Variants in ENTREP1 observed in about 807,000 individuals in gnomAD.
ENTREP1 encodes the protein Friedreich ataxia region gene X123.
the ENTREP1 span, among the ~76,000 whole-genome samples, chr9:69,330,866 T>A: frequency 6.6e-6 from 1 of 152,080 alleles, no homozygotes; most frequent in Non-Finnish European, 1.5e-5. Flanking sequence ...CATAGGAGAG[T>A]GCATCACTGC....
chr9:69,336,292 G>A, the ENTREP1 span: 4 of 1,497,128 alleles, frequency 2.7e-6, no homozygotes, highest in Admixed American at 3.5e-5. Flanking sequence ...CTTATAAATT[G>A]CTACCCTTTA....
chr9:69,367,770 TATATAAATATATATACACAC>T, the ENTREP1 span, among the ~76,000 whole-genome samples: 4 of 112,494 alleles, frequency 3.6e-5, no homozygotes, highest in Admixed American at 1.0e-4. Flanking sequence ...TATACACATA[TATATAAATATATATACACAC>T]ATATATATAA....
the ENTREP1 span, chr9:69,388,269 G>A: frequency 9.3e-6 from 15 of 1,613,982 alleles, no homozygotes; most frequent in East Asian, 4.5e-5. Context: ...TGCAGACCGC[G>A]GTCTTTGATA....
chr9:69,333,939 C>G, the ENTREP1 span, among the ~76,000 whole-genome samples: 2 of 152,144 alleles, frequency 1.3e-5, no homozygotes, highest in East Asian at 3.9e-4. Flanking sequence ...GTGCCTACAC[C>G]CTGAGTCACA....
At chr9:69,373,785 T>G in the ENTREP1 span, among the ~76,000 whole-genome samples, 3 of 152,194 alleles carry the variant, frequency 2.0e-5, no homozygotes, top group Non-Finnish European at 2.9e-5. Context: ...TTCAACCATT[T>G]TATTGTTCTA....
the ENTREP1 span, among the ~76,000 whole-genome samples, chr9:69,327,405 C>T: frequency 6.6e-6 from 1 of 152,122 alleles, no homozygotes; most frequent in African/African-American, 2.4e-5. Context: ...CTCTAAATAC[C>T]ACGGGCCAGT....
At chr9:69,376,897 G>A in the ENTREP1 span, among the ~76,000 whole-genome samples, 2 of 152,160 alleles carry the variant, frequency 1.3e-5, no homozygotes, top group Non-Finnish European at 2.9e-5. Flanking sequence ...TGTCCTCGTC[G>A]TGTGCATGGG....
At chr9:69,369,003 C>G in the ENTREP1 span, among the ~76,000 whole-genome samples, 1 of 152,080 alleles carries the variant, frequency 6.6e-6, no homozygotes, top group Non-Finnish European at 1.5e-5. Context: ...TCGGCAGGCC[C>G]TGGTGTGTGA....
chr9:69,344,057 CTAAAGGAAGCCCTCTG>C, the ENTREP1 span, among the ~76,000 whole-genome samples: 1 of 152,174 alleles, frequency 6.6e-6, no homozygotes, highest in Non-Finnish European at 1.5e-5. Flanking sequence ...ATTTGGGTTG[CTAAAGGAAGCCCTCTG>C]ACCAGTCCTG....
chr9:69,385,604 G>A, the ENTREP1 span, among the ~76,000 whole-genome samples: 77 of 152,276 alleles, frequency 5.1e-4, no homozygotes, highest in African/African-American at 1.8e-3. Context: ...GGTTTGGAAA[G>A]GCAAGTTTTC....
chr9:69,347,730 A>G, the ENTREP1 span, among the ~76,000 whole-genome samples: 1 of 152,212 alleles, frequency 6.6e-6, no homozygotes, highest in Admixed American at 6.5e-5. Context: ...AATCAGGAAT[A>G]ATGAGCCCTA....
At chr9:69,375,183 C>G in the ENTREP1 span, among the ~76,000 whole-genome samples, 10 of 152,222 alleles carry the variant, frequency 6.6e-5, no homozygotes, top group Non-Finnish European at 1.2e-4. Flanking sequence ...GTGCAGCCCA[C>G]ATAGGCCTGG....
the ENTREP1 span, among the ~76,000 whole-genome samples, chr9:69,348,085 C>T: frequency 4.9e-4 from 74 of 152,150 alleles, no homozygotes; most frequent in African/African-American, 1.6e-3. Flanking sequence ...CAAAAAGGCA[C>T]CTAATCTCAG....
chr9:69,364,747 G>A, the ENTREP1 span, among the ~76,000 whole-genome samples: 1 of 152,146 alleles, frequency 6.6e-6, no homozygotes, highest in Non-Finnish European at 1.5e-5. Flanking sequence ...TGACCATTTG[G>A]CTAAGTTTGA....
the ENTREP1 span, among the ~76,000 whole-genome samples, chr9:69,339,432 T>A: frequency 6.6e-6 from 1 of 152,166 alleles, no homozygotes; most frequent in Non-Finnish European, 1.5e-5. Context: ...AAGAGTAGCA[T>A]CCCTGTGTGC....
the ENTREP1 span, among the ~76,000 whole-genome samples, chr9:69,366,638 C>G: frequency 9.2e-5 from 14 of 152,030 alleles, no homozygotes; most frequent in Admixed American, 8.5e-4. Flanking sequence ...AGTATTTTCT[C>G]TATGTTTTCT....
the ENTREP1 span, among the ~76,000 whole-genome samples, chr9:69,340,789 A>ATGTG: frequency 3.9e-5 from 5 of 126,762 alleles, no homozygotes; most frequent in South Asian, 7.8e-4. Flanking sequence ...GTGTGTGTGC[A>ATGTG]TGTGTGTGTG....
chr9:69,376,833 TG>T, the ENTREP1 span, among the ~76,000 whole-genome samples: 1 of 152,184 alleles, frequency 6.6e-6, no homozygotes, highest in Non-Finnish European at 1.5e-5. Flanking sequence ...TTTTGAGATG[TG>T]TGTTTAGTGG....
At chr9:69,329,083 A>G in the ENTREP1 span, among the ~76,000 whole-genome samples, 1 of 152,300 alleles carries the variant, frequency 6.6e-6, no homozygotes, top group South Asian at 2.1e-4. Flanking sequence ...TGCCATGTTT[A>G]TTTATTCACT....
Sources: allele counts gnomAD v4.1 joint callset (sites outside exome capture counted in the v4.1 genomes callset), GRCh38; gene constraint gnomAD v4.1.1; transcripts MANE v1.5; gene names NCBI Gene and HGNC (gene_info 2026-07-23, HGNC 2026-07-21).